ANK3: variants seen among roughly 807,000 people sequenced by gnomAD.
ANK3 encodes ankyrin-3.
ANK3 carries 57 observed loss-of-function variants against 370.9 expected under a neutral mutation model. The observed-to-expected ratio is 0.15, with a 90% CI of 0.12 to 0.19. The LOEUF (loss-of-function observed/expected upper bound fraction) is 0.19. Ranked by LOEUF, ANK3 falls within the 10% of genes least tolerant of loss-of-function variation. The probability of loss-of-function intolerance (pLI) is 1.00; values close to 1 mark genes in which losing one functional copy is unlikely to be tolerated. For synonymous variants in ANK3, 1,929 were observed against 1,946.3 expected, an observed-to-expected ratio of 0.99 and a Z score of 0.23; for missense variants, 4,439 against 5,302.1, an observed-to-expected ratio of 0.84 and a Z score of 5.06.
At chr10:60,395,624 C>CAT (rs1397188097) in intron 2 of ANK3, among the ~76,000 whole-genome samples, 49 of 61,310 alleles carry the variant, frequency 8.0e-4, no homozygotes, top group African/African-American at 2.8e-3. Flanking sequence ...TTCGTTCTCT[C>CAT]TCTCTCTCTC....
At chr10:60,523,176 T>C (rs1285089299) in intron 2 of ANK3, among the ~76,000 whole-genome samples, 1 of 152,074 alleles carries the variant, frequency 6.6e-6, no homozygotes, top group African/African-American at 2.4e-5. Context: ...CCAAAGAATT[T>C]TGAGAATAAT....
At chr10:60,145,843 A>G in intron 23 of ANK3, 2 of 607,700 alleles carry the variant, frequency 3.3e-6, no homozygotes, top group Non-Finnish European at 5.9e-6. Context: ...TTTGCTTCAT[A>G]TCATTGCCCA....
At chr10:60,476,971 T>C (rs2133093236) in intron 2 of ANK3, among the ~76,000 whole-genome samples, 1 of 152,192 alleles carries the variant, frequency 6.6e-6, no homozygotes, top group East Asian at 1.9e-4. Context: ...AGCTTCGAAA[T>C]TGCTAATGGT....
At chr10:60,396,688 C>T (rs1201564531) in intron 2 of ANK3, among the ~76,000 whole-genome samples, 1 of 152,064 alleles carries the variant, frequency 6.6e-6, no homozygotes, top group Non-Finnish European at 1.5e-5. Flanking sequence ...ATTCAATAAA[C>T]TCTCGTAATT....
chr10:60,582,382 A>G (rs956892092), intron 2 of ANK3, among the ~76,000 whole-genome samples: 3 of 152,134 alleles, frequency 2.0e-5, no homozygotes, highest in Non-Finnish European at 4.4e-5. Context: ...CTGAAGTTCC[A>G]ATTGTTTCCT....
intron 1 of ANK3, among the ~76,000 whole-genome samples, chr10:60,378,194 T>G (rs536277894): frequency 2.3e-4 from 35 of 152,278 alleles, no homozygotes; most frequent in African/African-American, 8.2e-4. Flanking sequence ...TTTCTAACAT[T>G]TTGTCTGTAT....
At chr10:60,409,988 G>A (rs1226461204) in intron 2 of ANK3, among the ~76,000 whole-genome samples, 1 of 151,850 alleles carries the variant, frequency 6.6e-6, no homozygotes, top group East Asian at 1.9e-4. Flanking sequence ...CATCCCCTCT[G>A]GTCCACTACC....
chr10:60,726,778 G>A (rs565450138), intron 1 of ANK3, among the ~76,000 whole-genome samples: 2 of 152,148 alleles, frequency 1.3e-5, no homozygotes, highest in Admixed American at 6.5e-5. Context: ...CTTTAGATGG[G>A]TGAATTCTAT....
At chr10:60,049,983 T>C (rs1418357953) in intron 42 of ANK3, among the ~76,000 whole-genome samples, 1 of 152,222 alleles carries the variant, frequency 6.6e-6, no homozygotes, top group Non-Finnish European at 1.5e-5. Context: ...GATTTAGATG[T>C]AACATTAGTA....
At chr10:60,442,997 A>G (rs1450754837) in intron 2 of ANK3, among the ~76,000 whole-genome samples, 1 of 152,238 alleles carries the variant, frequency 6.6e-6, no homozygotes, top group African/African-American at 2.4e-5. Context: ...TCTGTCTTCA[A>G]CTTAGAGCTT....
At chr10:60,329,799 T>G (rs191845246) in intron 1 of ANK3, among the ~76,000 whole-genome samples, 1 of 152,264 alleles carries the variant, frequency 6.6e-6, no homozygotes, top group East Asian at 1.9e-4. Context: ...AAATTTCATA[T>G]GGAATCAAAA....
intron 2 of ANK3, among the ~76,000 whole-genome samples, chr10:60,424,128 T>G (rs2063831080): frequency 6.6e-6 from 1 of 152,036 alleles, no homozygotes; most frequent in Admixed American, 6.6e-5. Context: ...GTGTTGAATT[T>G]AAGTTACCCC....
chr10:60,105,098 T>C (rs73257331), intron 28 of ANK3, among the ~76,000 whole-genome samples: 4,392 of 152,264 alleles, frequency 0.029, 119 homozygotes, highest in African/African-American at 0.067. Context: ...AATAAAGCTG[T>C]TGTTTAAATA....
intron 2 of ANK3, among the ~76,000 whole-genome samples, chr10:60,409,155 C>T (rs2063510575): frequency 6.6e-6 from 1 of 152,150 alleles, no homozygotes; most frequent in South Asian, 2.1e-4. Flanking sequence ...GCTGATTTCT[C>T]CGTTTTATGG....
At chr10:60,275,555 T>G (rs542017146) in intron 4 of ANK3, among the ~76,000 whole-genome samples, 8 of 152,094 alleles carry the variant, frequency 5.3e-5, no homozygotes, top group Non-Finnish European at 1.2e-4. Context: ...GTTACTAATT[T>G]TCATGAAGGT....
At chr10:60,547,050 T>C (rs563944168) in intron 2 of ANK3, among the ~76,000 whole-genome samples, 114 of 151,524 alleles carry the variant, frequency 7.5e-4, no homozygotes, top group African/African-American at 2.6e-3. Flanking sequence ...TGTCTTTGCT[T>C]CCTCATCTTG....
At chr10:60,287,807 A>G (rs1311406369) in intron 1 of ANK3, among the ~76,000 whole-genome samples, 1 of 152,204 alleles carries the variant, frequency 6.6e-6, no homozygotes, top group Non-Finnish European at 1.5e-5. Context: ...CCAAAAGTTT[A>G]GAACCACTGA....
intron 2 of ANK3, among the ~76,000 whole-genome samples, chr10:60,409,202 G>A (rs1300553342): frequency 4.6e-5 from 7 of 152,110 alleles, no homozygotes; most frequent in African/African-American, 1.2e-4. Context: ...TTCATGCCAC[G>A]TATTATCATC....
Position 60,084,824 on chromosome 10 carries a change from C to A in ANK3, c.3852G>T (p.Trp1284Cys), listed in dbSNP as rs2086254541. The change falls in exon 32 of 44, where the codon TGG becomes TGT. Residue 1284 changes from tryptophan (W) to cysteine (C), a missense_variant. Transcript: ENST00000280772. Reference sequence around the variant, plus strand: ...CTAAAACTTGATGGCAGTCTGCAAGCCAAAATCTGAGCAAAACAAAAAACA... The same window carrying A: ...CTAAAACTTGATGGCAGTCTGCAAGACAAAATCTGAGCAAAACAAAAAACA... ...SFTTNVSARFWLADCHQVLET... is the reference protein window; with the variant it reads ...SFTTNVSARFCLADCHQVLET... 3 of 1,529,972 alleles carry A rather than the reference C, an allele frequency of 2.0e-6. No homozygotes were observed. The highest frequency in any genetic ancestry group is 2.6e-6 in the Non-Finnish European group (3 of 1,142,564). 94.8% of individuals were successfully genotyped at this position (1,529,972 alleles called of 1,614,324 possible).
Sources: gnomAD v4.1 joint callset for allele counts (sites outside exome capture counted in the v4.1 genomes callset) on GRCh38, gnomAD v4.1.1 for gene constraint, MANE v1.5 for transcripts, NCBI Gene and HGNC (gene_info 2026-07-23, HGNC 2026-07-21) for gene names.